The following TMC1 variants were observed in gnomAD, a reference collection of about 807,000 sequenced individuals.
TMC1 encodes transmembrane channel like 1.
In TMC1, 84 loss-of-function variants were observed where a neutral mutation model predicts 105.8. The ratio of observed to expected loss-of-function variants is 0.79; its 90% CI spans 0.67 to 0.95. The LOEUF (loss-of-function observed/expected upper bound fraction) is 0.95, where lower values mean the gene tolerates loss of function less well. TMC1 is among the 40% of genes least tolerant of loss of function. The probability of loss-of-function intolerance (pLI) is 0.00; values close to 1 mark genes in which losing one functional copy is unlikely to be tolerated. For missense variants in TMC1, 817 were observed against 914.1 expected, an observed-to-expected ratio of 0.89 and a Z score of 1.37; for synonymous variants, 315 against 311.5, an observed-to-expected ratio of 1.01 and a Z score of -0.12.
At chr9:72,533,599 T>A (rs998831478) in intron 1 of TMC1, among the ~76,000 whole-genome samples, 4 of 152,156 alleles carry the variant, frequency 2.6e-5, no homozygotes, top group Admixed American at 6.6e-5. Context: ...AGAGACAAAC[T>A]CAGGCTGGAA....
chr9:72,545,184 ATG>A (rs921036965), intron 1 of TMC1, among the ~76,000 whole-genome samples: 1 of 151,008 alleles, frequency 6.6e-6, no homozygotes, highest in Non-Finnish European at 1.5e-5. Flanking sequence ...ACACATTTAT[ATG>A]TGTATATATA....
intron 8 of TMC1, among the ~76,000 whole-genome samples, chr9:72,727,899 T>A (rs2117971807): frequency 6.6e-6 from 1 of 152,194 alleles, no homozygotes; most frequent in East Asian, 1.9e-4. Context: ...CATAAAATCA[T>A]TTTCATAGAG....
chr9:72,805,496 T>C lies in TMC1; in HGVS notation c.1681T>C (p.Leu561=), dbSNP rs1008485960. ...RFCNYCWCWD[L]EYGYPSYTEF... ...TTGCAATTATTGCTGGTGCTGGGAC[T>C]TGGAGTATGGATATGTAAGTATGAT... The change falls in exon 18 of 24, where the codon TTG becomes CTG. Residue 561 remains leucine, a synonymous_variant. Transcript: ENST00000297784. 3 of 1,613,614 alleles carry C rather than the reference T, an allele frequency of 1.9e-6. No homozygotes were observed. The highest frequency in any genetic ancestry group is 2.5e-6 in the Non-Finnish European group (3 of 1,179,806).
intron 13 of TMC1, among the ~76,000 whole-genome samples, chr9:72,787,658 TAC>T (rs1554727698): frequency 6.6e-6 from 1 of 151,162 alleles, no homozygotes; most frequent in Admixed American, 6.6e-5. Flanking sequence ...TATATATATA[TAC>T]ACACATATAT....
intron 17 of TMC1, among the ~76,000 whole-genome samples, chr9:72,797,900 G>A (rs1828400276): frequency 6.6e-6 from 1 of 152,148 alleles, no homozygotes. Flanking sequence ...CTCCAGCACA[G>A]CAAAAGAAAC....
rs71507808 is a variant in TMC1 at position 72,836,156 on chromosome 9, A to G, written c.*183A>G. Reference sequence around the variant, plus strand: ...AGTCCTACCTGAGCAACAAGAATCTAAACTTTATTCCAAGTCAGAAACTGT... The same window carrying G: ...AGTCCTACCTGAGCAACAAGAATCTGAACTTTATTCCAAGTCAGAAACTGT... On this transcript the variant is annotated 3_prime_UTR_variant, in exon 24 of 24. Coordinates refer to ENST00000297784, the MANE Select transcript of TMC1 (RefSeq NM_138691.3). The G allele has an allele frequency of 0.027, 19,625 of 721,928 alleles. 392 individuals carry two copies. Among genetic ancestry groups the G allele is most frequent in the Non-Finnish European group, 0.035 (14,198 of 401,250 alleles). The allele number at this position is 721,928 out of a possible 1,614,324, so 44.7% of individuals were successfully genotyped here.
chr9:72,685,679 T>C (rs1295176623), intron 5 of TMC1, among the ~76,000 whole-genome samples: 1 of 152,174 alleles, frequency 6.6e-6, no homozygotes, highest in Non-Finnish European at 1.5e-5. Flanking sequence ...AGTCATTCTT[T>C]TGCATCAAAT....
intron 1 of TMC1, among the ~76,000 whole-genome samples, chr9:72,524,927 G>A (rs1468574085): frequency 2.0e-5 from 3 of 152,234 alleles, no homozygotes; most frequent in East Asian, 1.9e-4. Flanking sequence ...CGTCGTTACC[G>A]GAAAATTCCA....
At chr9:72,660,015 C>T (rs1299511250) in intron 5 of TMC1, among the ~76,000 whole-genome samples, 1 of 152,076 alleles carries the variant, frequency 6.6e-6, no homozygotes, top group Non-Finnish European at 1.5e-5. Flanking sequence ...AATAGTCTAC[C>T]TTATTCCTCC....
intron 17 of TMC1, among the ~76,000 whole-genome samples, chr9:72,798,314 T>G (rs1828408064): frequency 6.6e-6 from 1 of 152,120 alleles, no homozygotes; most frequent in South Asian, 2.1e-4. Flanking sequence ...TGGCGATTCC[T>G]CAAAGAGCTA....
chr9:72,786,222 G>A (rs557816586), intron 13 of TMC1, among the ~76,000 whole-genome samples: 1 of 152,242 alleles, frequency 6.6e-6, no homozygotes, highest in East Asian at 1.9e-4. Context: ...GAGGTGGGTG[G>A]ATCACGAGGC....
At chr9:72,683,523 T>A (rs373442965) in intron 5 of TMC1, among the ~76,000 whole-genome samples, 1,746 of 150,868 alleles carry the variant, frequency 0.012, 44 homozygotes, top group African/African-American at 0.04. Context: ...AGGTTTTTTT[T>A]TAAAAAAATC....
At chr9:72,688,956 A>C (rs1826418381) in intron 6 of TMC1, among the ~76,000 whole-genome samples, 200 bp downstream of exon 6, 1 of 152,144 alleles carries the variant, frequency 6.6e-6, no homozygotes, top group Non-Finnish European at 1.5e-5. Context: ...ATAAGGGCCA[A>C]GACTGTGTTC....
intron 5 of TMC1, among the ~76,000 whole-genome samples, chr9:72,663,932 C>T (rs572726686): frequency 5.3e-4 from 80 of 152,090 alleles, no homozygotes; most frequent in Admixed American, 4.8e-3. Context: ...AACACAATAC[C>T]CTAGGTCTAC....
At chr9:72,817,051 G>A (rs1350237442) in intron 19 of TMC1, 2 of 152,090 alleles carry the variant, frequency 1.3e-5, no homozygotes, top group African/African-American at 4.8e-5. Context: ...TATAGACTCA[G>A]TTTTTGAACA....
intron 13 of TMC1, among the ~76,000 whole-genome samples, 185 bp from the exon 14 acceptor site, chr9:72,788,153 AT>A (rs1828201456): frequency 6.6e-6 from 1 of 152,228 alleles, no homozygotes; most frequent in Non-Finnish European, 1.5e-5. Flanking sequence ...AAAGTGAATA[AT>A]TTCAACAACT....
At chr9:72,820,097 A>G (rs1828843910) in intron 19 of TMC1, among the ~76,000 whole-genome samples, 1 of 152,194 alleles carries the variant, frequency 6.6e-6, no homozygotes, top group African/African-American at 2.4e-5. Flanking sequence ...AAGAAAGTAA[A>G]CAGATAAACT....
chr9:72,663,892 T>C (rs548403387), intron 5 of TMC1, among the ~76,000 whole-genome samples: 141 of 152,316 alleles, frequency 9.3e-4, no homozygotes, highest in Non-Finnish European at 1.9e-3. Context: ...ATTTTTTCCC[T>C]TTAAACTTTT....
chr9:72,812,884 A>G (rs1828727486), intron 18 of TMC1, among the ~76,000 whole-genome samples: 1 of 152,234 alleles, frequency 6.6e-6, no homozygotes, highest in Non-Finnish European at 1.5e-5. Context: ...GAGAGAAGAG[A>G]TCTTCCCAGG....
Sources: allele counts gnomAD v4.1 joint callset (sites outside exome capture counted in the v4.1 genomes callset), GRCh38; gene constraint gnomAD v4.1.1; transcripts MANE v1.5; gene names NCBI Gene and HGNC (gene_info 2026-07-23, HGNC 2026-07-21).